MALRD1: variants seen among roughly 807,000 people sequenced by gnomAD.
MALRD1 encodes the protein MAM and LDL receptor class A domain containing 1.
In MALRD1, 247 loss-of-function variants were observed where a neutral mutation model predicts 242.1. The observed-to-expected ratio is 1.02, with a 90% CI of 0.92 to 1.13. The LOEUF (loss-of-function observed/expected upper bound fraction) is 1.13, where lower values mean the gene tolerates loss of function less well. MALRD1 is among the 50% of genes most tolerant of loss of function. The pLI is 0.00. For synonymous variants in MALRD1, 995 were observed against 866.6 expected (o/e 1.15, Z -2.60); for missense variants, 2,989 against 2,533.1 (o/e 1.18, Z -3.86).
chr10:19,095,277 T>G (rs12264103), intron 4 of MALRD1, among the ~76,000 whole-genome samples: 1 of 151,480 alleles, frequency 6.6e-6, no homozygotes, highest in Non-Finnish European at 1.5e-5. Context: ...ATTGATTGGT[T>G]GTAAATCACT....
At chr10:19,727,367 A>G (rs532357712) in intron 38 of MALRD1, among the ~76,000 whole-genome samples, 8 of 152,292 alleles carry the variant, frequency 5.3e-5, no homozygotes, top group Non-Finnish European at 1.2e-4. Flanking sequence ...CACTAAAACA[A>G]TGTTGTCAGT....
At chr10:19,456,267 TA>T (rs1835643413) in intron 29 of MALRD1, among the ~76,000 whole-genome samples, 4 of 152,224 alleles carry the variant, frequency 2.6e-5, no homozygotes, top group Admixed American at 2.0e-4. Context: ...CTGGCATTTT[TA>T]TAATTTCAGA....
intron 18 of MALRD1, among the ~76,000 whole-genome samples, chr10:19,233,963 A>T (rs1838192867): frequency 6.6e-6 from 1 of 152,050 alleles, no homozygotes; most frequent in South Asian, 2.1e-4. Flanking sequence ...TATACATGTT[A>T]TGCTTTTATG....
At chr10:19,244,642 G>A (rs750227469) in intron 18 of MALRD1, among the ~76,000 whole-genome samples, 4 of 152,234 alleles carry the variant, frequency 2.6e-5, no homozygotes, top group Admixed American at 6.6e-5. Flanking sequence ...CAAGGCTAAT[G>A]ACTTTTAAAA....
At position 19,519,737 on chromosome 10, in the gene MALRD1, CA is replaced by C. The variant is rs1200830341; in HGVS notation, c.5321-11456del. ...TGTTATCACGCCACTGCAATGTAGC[CA>C]GGGCAACAGAGCTAGGTGCCTTCTC... On this transcript the variant is annotated intron_variant, in intron 31 of 39. Coordinates refer to ENST00000454679, the MANE Select transcript of MALRD1 (RefSeq NM_001142308.3). 2.0e-5 allele frequency among the ~76,000 whole-genome samples: 3 copies of C among 152,084 alleles called. No individual in the cohort carries two copies. The East Asian group carries it at 5.8e-4, about 29-fold the overall frequency.
chr10:19,446,965 TG>T (rs1319564990), intron 28 of MALRD1, among the ~76,000 whole-genome samples: 1 of 151,882 alleles, frequency 6.6e-6, no homozygotes, highest in Non-Finnish European at 1.5e-5. Context: ...AGTAAATAGG[TG>T]AAGTAACGAC....
At chr10:19,296,727 A>T (rs1316800705) in intron 21 of MALRD1, among the ~76,000 whole-genome samples, 1 of 151,554 alleles carries the variant, frequency 6.6e-6, no homozygotes, top group Non-Finnish European at 1.5e-5. Context: ...AGTATTTGTT[A>T]TATAAAATAG....
intron 33 of MALRD1, among the ~76,000 whole-genome samples, chr10:19,587,087 G>A (rs139213276): frequency 0.016 from 2,484 of 152,202 alleles, 65 homozygotes; most frequent in African/African-American, 0.056. Context: ...GCTTCGGCTC[G>A]CGCACGGTGC....
chr10:19,083,524 T>C (rs993754169), intron 2 of MALRD1, among the ~76,000 whole-genome samples: 1 of 152,036 alleles, frequency 6.6e-6, no homozygotes, highest in African/African-American at 2.4e-5. Flanking sequence ...TGCTGGTAAT[T>C]GTTTTCAACA....
intron 38 of MALRD1, among the ~76,000 whole-genome samples, chr10:19,720,458 A>G (rs905976200): frequency 6.6e-6 from 1 of 152,208 alleles, no homozygotes; most frequent in African/African-American, 2.4e-5. Context: ...AAGTGCTTCT[A>G]AGCATCTGGT....
intron 36 of MALRD1, among the ~76,000 whole-genome samples, chr10:19,618,977 G>A (rs983536753): frequency 2.0e-5 from 3 of 151,948 alleles, no homozygotes; most frequent in African/African-American, 7.2e-5. Context: ...TTGGACCTGT[G>A]AATAAAATCT....
intron 28 of MALRD1, among the ~76,000 whole-genome samples, chr10:19,435,785 C>T (rs1834328692): frequency 6.6e-6 from 1 of 152,138 alleles, no homozygotes; most frequent in Admixed American, 6.6e-5. Flanking sequence ...AAGAAATCCA[C>T]TGTGTGCAGC....
chr10:19,400,188 C>T (rs528982248), intron 28 of MALRD1, among the ~76,000 whole-genome samples: 1 of 152,274 alleles, frequency 6.6e-6, no homozygotes, highest in Non-Finnish European at 1.5e-5. Context: ...GGCATGGATT[C>T]TTTCTATCAG....
At chr10:19,727,570 G>A (rs1835091596) in intron 38 of MALRD1, among the ~76,000 whole-genome samples, 1 of 152,110 alleles carries the variant, frequency 6.6e-6, no homozygotes. Flanking sequence ...TGATAAGGGA[G>A]AAAAACTTAT....
At chr10:19,192,077 A>T (rs956135997) in intron 14 of MALRD1, among the ~76,000 whole-genome samples, 1 of 152,188 alleles carries the variant, frequency 6.6e-6, no homozygotes, top group East Asian at 1.9e-4. Flanking sequence ...GAAATAAGCC[A>T]GTCACAAAAA....
chr10:19,711,861 C>T (rs1311422516), intron 38 of MALRD1, among the ~76,000 whole-genome samples: 1 of 152,040 alleles, frequency 6.6e-6, no homozygotes, highest in African/African-American at 2.4e-5. Context: ...TCTCCCTGAC[C>T]AATTAAAATC....
intron 21 of MALRD1, among the ~76,000 whole-genome samples, chr10:19,291,728 A>G (rs1157355766): frequency 6.6e-6 from 1 of 152,000 alleles, no homozygotes; most frequent in Admixed American, 6.6e-5. Context: ...TCTAAATGTA[A>G]TAACTAATTT....
At chr10:19,721,222 A>G (rs907447418) in intron 38 of MALRD1, among the ~76,000 whole-genome samples, 29 of 152,184 alleles carry the variant, frequency 1.9e-4, no homozygotes, top group African/African-American at 6.3e-4. Flanking sequence ...TTGGAATGCT[A>G]TATTATATTT....
intron 28 of MALRD1, 22 bp from the exon 29 acceptor site, chr10:19,450,285 A>G: frequency 6.5e-7 from 1 of 1,536,640 alleles, no homozygotes; most frequent in Non-Finnish European, 8.8e-7. Flanking sequence ...TATTTCCCTC[A>G]TACAAACTTC....
Sources: gnomAD v4.1 joint callset for allele counts (sites outside exome capture counted in the v4.1 genomes callset) on GRCh38, gnomAD v4.1.1 for gene constraint, MANE v1.5 for transcripts, NCBI Gene and HGNC (gene_info 2026-07-23, HGNC 2026-07-21) for gene names.